CSMD1: variants seen among roughly 807,000 people sequenced by gnomAD.
The protein encoded by CSMD1 is CUB and Sushi multiple domains 1, also known as CUB and sushi domain-containing protein 1.
A neutral mutation model predicts 417.5 loss-of-function variants in CSMD1; 213 were observed. The ratio of observed to expected loss-of-function variants is 0.51; its 90% confidence interval spans 0.46 to 0.57. CSMD1 has a LOEUF of 0.57. CSMD1 is among the 20% of genes least tolerant of loss of function. CSMD1 has a pLI of 0.00. For missense variants in CSMD1, 6,923 were observed against 4,529.7 expected, an observed-to-expected ratio of 1.53 and a Z score of -15.17; for synonymous variants, 2,862 against 1,736.8, an observed-to-expected ratio of 1.65 and a Z score of -16.11.
At chr8:4,957,283 C>T (rs1236435867) in intron 1 of CSMD1, among the ~76,000 whole-genome samples, 1 of 152,146 alleles carries the variant, frequency 6.6e-6, no homozygotes, top group African/African-American at 2.4e-5. Context: ...ATTCTCACCC[C>T]ACACAAAGGG....
Position 3,187,956 on chromosome 8 carries a change from T to A in CSMD1, c.5533A>T (p.Ile1845Phe). 3.7e-6 allele frequency: 6 copies of A among 1,612,740 alleles called. No homozygotes were observed. Among genetic ancestry groups the A allele is most frequent in the Non-Finnish European group, 5.1e-6 (6 of 1,179,432 alleles). ...CAGTTCTGCTCCGTGGCAAAACTGATCACTTGGATCTACCAAACCATGACA... is the reference window on the plus strand; with the variant it reads ...CAGTTCTGCTCCGTGGCAAAACTGAACACTTGGATCTACCAAACCATGACA... ...TEGSGIQIQV[I>F]SFATEQNWDS... Residue 1845 changes from isoleucine (I) to phenylalanine (F), a missense_variant, in exon 36 of 70, where the codon ATC becomes TTC. By Grantham distance (21) the Ile-to-Phe change is conservative. Transcript: ENST00000635120.
chr8:4,120,582 C>T (rs985999002), intron 3 of CSMD1, among the ~76,000 whole-genome samples: 2 of 152,188 alleles, frequency 1.3e-5, no homozygotes, highest in Non-Finnish European at 2.9e-5. Context: ...TTTCAAATGG[C>T]CTGTGGCCTC....
chr8:3,150,025 T>C (rs958896779), intron 40 of CSMD1, among the ~76,000 whole-genome samples: 1 of 152,182 alleles, frequency 6.6e-6, no homozygotes, highest in Non-Finnish European at 1.5e-5. Context: ...ATTAGTTCAA[T>C]AAGTTCATGT....
chr8:4,100,579 C>G (rs1801254435), intron 3 of CSMD1, among the ~76,000 whole-genome samples: 1 of 152,096 alleles, frequency 6.6e-6, no homozygotes, highest in African/African-American at 2.4e-5. Context: ...ACAGCATCAC[C>G]TGGGAGGTGG....
At position 2,936,719 on chromosome 8, in the gene CSMD1, A is replaced by T. The variant is rs781760778; in HGVS notation, c.*1866T>A. The T allele has an allele frequency of 1.3e-5, 2 of 152,254 alleles. No individual in the cohort carries two copies. Among genetic ancestry groups the T allele is most frequent in the African/African-American group, 2.4e-5 (1 of 41,462 alleles). 9.4% of individuals were successfully genotyped at this position (152,254 alleles called of 1,614,324 possible). A position where few individuals can be genotyped will look rare whatever the true frequency, so the allele number is the denominator to read the frequency against. On this transcript the variant is annotated 3_prime_UTR_variant, in exon 70 of 70. Coordinates refer to ENST00000635120, the MANE Select transcript of CSMD1 (RefSeq NM_033225.6). ...CAGCAGAGACCCTTTCGACCGAGGA[A>T]CACAACACTGGGAGCCGAGCTCTAC...
At chr8:4,580,111 T>C (rs1483144744) in intron 2 of CSMD1, among the ~76,000 whole-genome samples, 17 of 152,228 alleles carry the variant, frequency 1.1e-4, no homozygotes, top group Admixed American at 1.0e-3. Flanking sequence ...AAATATTTTG[T>C]CTTTAAAATG....
chr8:4,351,627 G>A (rs528297716), intron 3 of CSMD1, among the ~76,000 whole-genome samples: 82 of 152,296 alleles, frequency 5.4e-4, no homozygotes, highest in African/African-American at 1.9e-3. Flanking sequence ...GAGTGAGAAA[G>A]GAGATGAGGG....
At chr8:3,804,699 T>A (rs1300456751) in intron 5 of CSMD1, among the ~76,000 whole-genome samples, 4 of 152,046 alleles carry the variant, frequency 2.6e-5, no homozygotes, top group Admixed American at 6.6e-5. Flanking sequence ...GGAAGAAAAA[T>A]GTAAACACAT....
At chr8:4,365,587 A>G (rs1308661899) in intron 3 of CSMD1, among the ~76,000 whole-genome samples, 1 of 152,140 alleles carries the variant, frequency 6.6e-6, no homozygotes, top group Non-Finnish European at 1.5e-5. Context: ...TCAAGCAGAT[A>G]CTCTGGTTTC....
intron 5 of CSMD1, among the ~76,000 whole-genome samples, chr8:3,982,191 A>AG (rs1304978339): frequency 4.9e-4 from 56 of 114,972 alleles, no homozygotes; most frequent in Non-Finnish European, 9.9e-4. Flanking sequence ...TAATAATAAT[A>AG]TTAATAAAAA....
At chr8:4,402,333 C>G (rs192193175) in intron 3 of CSMD1, among the ~76,000 whole-genome samples, 1 of 151,998 alleles carries the variant, frequency 6.6e-6, no homozygotes, top group Non-Finnish European at 1.5e-5. Context: ...TATACTTCAT[C>G]ATCACACTCC....
At chr8:4,786,782 C>A (rs959683018) in intron 1 of CSMD1, among the ~76,000 whole-genome samples, 1 of 152,066 alleles carries the variant, frequency 6.6e-6, no homozygotes. Context: ...AAACTTCAAG[C>A]ATGCATACAT....
chr8:3,449,785 C>T (rs187002895), intron 12 of CSMD1, among the ~76,000 whole-genome samples: 12 of 152,218 alleles, frequency 7.9e-5, no homozygotes, highest in African/African-American at 1.2e-4. Flanking sequence ...CCCAAAGTGC[C>T]AGCATTACAG....
chr8:4,436,851 A>G (rs1210588366), intron 2 of CSMD1, among the ~76,000 whole-genome samples: 2 of 152,092 alleles, frequency 1.3e-5, no homozygotes, highest in Admixed American at 6.5e-5. Context: ...AGTGAATCTC[A>G]TCCTTTTTGT....
intron 3 of CSMD1, among the ~76,000 whole-genome samples, chr8:4,081,095 G>C (rs1454481853): frequency 1.3e-5 from 2 of 152,140 alleles, no homozygotes; most frequent in South Asian, 2.1e-4. Context: ...TGGAAGCAGA[G>C]AGATTGGACT....
At chr8:3,485,466 T>G (rs1251803705) in intron 11 of CSMD1, among the ~76,000 whole-genome samples, 2 of 151,448 alleles carry the variant, frequency 1.3e-5, no homozygotes, top group African/African-American at 2.4e-5. Flanking sequence ...TTACCTGTCT[T>G]GACTGTGGCG....
At chr8:4,874,597 G>C (rs1442842702) in intron 1 of CSMD1, among the ~76,000 whole-genome samples, 1 of 151,562 alleles carries the variant, frequency 6.6e-6, no homozygotes, top group African/African-American at 2.4e-5. Flanking sequence ...CACTATGTTG[G>C]CCAGGCTGGT....
intron 54 of CSMD1, among the ~76,000 whole-genome samples, chr8:2,984,110 A>G (rs1410148787): frequency 6.6e-6 from 1 of 152,182 alleles, no homozygotes; most frequent in African/African-American, 2.4e-5. Context: ...TGACATTCTG[A>G]GAATAAAAGG....
rs547682540 is a variant in CSMD1, at chr8:3,331,706, G to A, written c.3631+11588C>T. ...CATGGCCCCCAAAGACACAGCTGGC[G>A]GTTTCTCTTGCGTATGTACCTGGAA... is the stretch of plus-strand genomic sequence containing the variant. On this transcript the variant is annotated intron_variant, in intron 23 of 69. Transcript: ENST00000635120. Among the ~76,000 whole-genome samples the A allele has an allele frequency of 7.2e-5, 11 of 152,230 alleles. No individual in the cohort carries two copies. The South Asian group carries it at 8.3e-4, about 11-fold the overall frequency.
Sources: gnomAD v4.1 joint callset for allele counts (sites outside exome capture counted in the v4.1 genomes callset) on GRCh38, gnomAD v4.1.1 for gene constraint, MANE v1.5 for transcripts, NCBI Gene and HGNC (gene_info 2026-07-23, HGNC 2026-07-21) for gene names.